TBC1D5: variants seen among roughly 807,000 people sequenced by gnomAD.
TBC1D5 encodes the protein TBC1 domain family member 5.
TBC1D5 carries 75 observed loss-of-function variants against 100.3 expected under a neutral mutation model. That is an observed-to-expected ratio of 0.75 (90% CI 0.62 to 0.91). The LOEUF (loss-of-function observed/expected upper bound fraction) is 0.91, where lower values mean the gene tolerates loss of function less well. TBC1D5 is among the 40% of genes least tolerant of loss of function. The probability of loss-of-function intolerance (pLI) is 0.00; values close to 1 mark genes in which losing one functional copy is unlikely to be tolerated. For missense variants in TBC1D5, 910 were observed against 942.4 expected (o/e 0.97, Z 0.45); for synonymous variants, 323 against 325.6 (o/e 0.99, Z 0.09).
chr3:17,180,931 A>AG (rs983031421), intron 19 of TBC1D5, among the ~76,000 whole-genome samples: 5 of 151,960 alleles, frequency 3.3e-5, no homozygotes, highest in African/African-American at 7.2e-5. Context: ...AAAAAAAAAA[A>AG]AAAGAAAAGA....
At chr3:17,556,454 C>G (rs956476057) in intron 2 of TBC1D5, among the ~76,000 whole-genome samples, 1 of 152,196 alleles carries the variant, frequency 6.6e-6, no homozygotes, top group African/African-American at 2.4e-5. Context: ...TCATTGCTTA[C>G]CACAGACATT....
chr3:17,563,635 C>T (rs936041186), intron 2 of TBC1D5, among the ~76,000 whole-genome samples: 2 of 151,932 alleles, frequency 1.3e-5, no homozygotes, highest in African/African-American at 4.8e-5. Context: ...TTAGAAAGGG[C>T]TTATAAAATT....
At chr3:17,400,022 C>T (rs983943684) in intron 8 of TBC1D5, among the ~76,000 whole-genome samples, 3 of 152,008 alleles carry the variant, frequency 2.0e-5, no homozygotes, top group Non-Finnish European at 4.4e-5. Context: ...TGCCTTATTT[C>T]TTCAGAAAAA....
chr3:17,164,290 G>A (rs2066378806), intron 21 of TBC1D5, among the ~76,000 whole-genome samples: 1 of 152,208 alleles, frequency 6.6e-6, no homozygotes, highest in Admixed American at 6.5e-5. Context: ...GTGTCACTAG[G>A]CAGGGGAGCC....
At chr3:17,703,477 A>C (rs1014261005) in intron 1 of TBC1D5, among the ~76,000 whole-genome samples, 14 of 152,168 alleles carry the variant, frequency 9.2e-5, no homozygotes, top group Admixed American at 3.3e-4. Flanking sequence ...GTAAAAGCAA[A>C]CTGCAAATTT....
At chr3:17,524,893 G>A (rs962179801) in intron 2 of TBC1D5, among the ~76,000 whole-genome samples, 1 of 150,352 alleles carries the variant, frequency 6.7e-6, no homozygotes, top group African/African-American at 2.4e-5. Flanking sequence ...CATACATAAA[G>A]GTAATCTAGA....
chr3:17,705,793 A>G (rs1577662982), intron 1 of TBC1D5, among the ~76,000 whole-genome samples: 1 of 138,456 alleles, frequency 7.2e-6, no homozygotes, highest in Non-Finnish European at 1.6e-5. Context: ...GGCTCCTCAC[A>G]TCCCAGACGA....
At chr3:17,230,918 C>G (rs1220679238) in intron 17 of TBC1D5, among the ~76,000 whole-genome samples, 1 of 152,086 alleles carries the variant, frequency 6.6e-6, no homozygotes, top group East Asian at 1.9e-4. Flanking sequence ...TTTAAGTCAT[C>G]TCTGAATTAT....
chr3:17,399,342 G>C (rs1202882972), intron 8 of TBC1D5, among the ~76,000 whole-genome samples: 9 of 152,000 alleles, frequency 5.9e-5, no homozygotes, highest in Non-Finnish European at 2.9e-5. Context: ...AATTAAACAA[G>C]TAAGTGACTG....
intron 2 of TBC1D5, among the ~76,000 whole-genome samples, chr3:17,593,328 T>C (rs1385242947): frequency 6.6e-6 from 1 of 152,114 alleles, no homozygotes; most frequent in East Asian, 1.9e-4. Context: ...GTGGTCATGG[T>C]GGCAGGGATG....
In TBC1D5 at chr3:17,460,170, A is replaced by G. The variant is rs569413104; in HGVS notation, c.98-31651T>C. On this transcript the variant is annotated intron_variant, in intron 3 of 21. Coordinates refer to ENST00000253692, the Ensembl canonical transcript of TBC1D5. ...AATGACATGTTATGGGAAGCCAGAA[A>G]ATGTGGAGAATTAGATATTCATAAG... Among the ~76,000 whole-genome samples the G allele has an allele frequency of 3.9e-4, 60 of 152,338 alleles. No individual in the cohort carries two copies. The Middle Eastern group carries it at 0.01, about 26-fold the overall frequency.
At chr3:17,231,504 ACTAT>A (rs2075414495) in intron 17 of TBC1D5, among the ~76,000 whole-genome samples, 1 of 152,156 alleles carries the variant, frequency 6.6e-6, no homozygotes, top group Non-Finnish European at 1.5e-5. Flanking sequence ...TTAAAAAAAG[ACTAT>A]CTATAATCAA....
chr3:17,365,403 A>G (rs575110776), intron 13 of TBC1D5, among the ~76,000 whole-genome samples: 23 of 152,332 alleles, frequency 1.5e-4, no homozygotes, highest in Non-Finnish European at 2.6e-4. Flanking sequence ...CTCCCACTTC[A>G]TCAATTAACC....
At chr3:17,307,997 T>C (rs2083569573) in exon 14 of TBC1D5, 3 of 1,602,078 alleles carry the variant, frequency 1.9e-6, no homozygotes, top group Non-Finnish European at 2.5e-6. Flanking sequence ...CTTACAAGCA[T>C]CTCGGATGTA....
At chr3:17,412,827 A>G (rs2093969162) in intron 4 of TBC1D5, among the ~76,000 whole-genome samples, 1 of 152,176 alleles carries the variant, frequency 6.6e-6, no homozygotes, top group Non-Finnish European at 1.5e-5. Flanking sequence ...TCTTTCTGGA[A>G]TAACATGGAA....
At chr3:17,421,422 TTATATAAAAG>T (rs2094205113) in intron 4 of TBC1D5, among the ~76,000 whole-genome samples, 1 of 152,174 alleles carries the variant, frequency 6.6e-6, no homozygotes, top group Non-Finnish European at 1.5e-5. Flanking sequence ...TAAGAAGCGA[TTATATAAAAG>T]TTCCTCTTAT....
intron 2 of TBC1D5, among the ~76,000 whole-genome samples, chr3:17,591,269 A>AAAAAC: frequency 7.2e-6 from 1 of 139,436 alleles, no homozygotes; most frequent in Non-Finnish European, 1.6e-5. Flanking sequence ...AAAAAAAACA[A>AAAAAC]AAACCCCAGA....
intron 17 of TBC1D5, among the ~76,000 whole-genome samples, chr3:17,231,856 C>A (rs2075450083): frequency 6.6e-6 from 1 of 152,068 alleles, no homozygotes; most frequent in Non-Finnish European, 1.5e-5. Context: ...CTTTCCTTAT[C>A]AGACTGATAC....
intron 4 of TBC1D5, among the ~76,000 whole-genome samples, chr3:17,407,011 C>T (rs187365441): frequency 6.6e-6 from 1 of 152,168 alleles, no homozygotes; most frequent in Admixed American, 6.6e-5. Flanking sequence ...ACTGTTAGTG[C>T]TGCTTACTAC....
Sources: gnomAD v4.1 joint callset for allele counts (sites outside exome capture counted in the v4.1 genomes callset) on GRCh38, gnomAD v4.1.1 for gene constraint, MANE v1.5 for transcripts, NCBI Gene and HGNC (gene_info 2026-07-23, HGNC 2026-07-21) for gene names.